The following CLN8 variants were observed in gnomAD, a reference collection of about 807,000 sequenced individuals.
CLN8 encodes protein CLN8.
In CLN8, 14 loss-of-function variants were observed where a neutral mutation model predicts 15.7. The ratio of observed to expected loss-of-function variants is 0.89; its 90% confidence interval spans 0.59 to 1.39. The LOEUF is 1.39. Among genes scored for constraint, CLN8 ranks in the 40% most tolerant of loss-of-function variants. The probability of loss-of-function intolerance (pLI) is 0.00; values close to 1 mark genes in which losing one functional copy is unlikely to be tolerated. For missense variants in CLN8, 415 were observed against 364.0 expected (o/e 1.14, Z -1.14); for synonymous variants, 188 against 151.0 (o/e 1.25, Z -1.80).
At chr8:1,760,603 C>T (rs1324511029), upstream of CLN8, among the ~76,000 whole-genome samples, 1 of 152,170 alleles carries the variant, frequency 6.6e-6, no homozygotes, top group Non-Finnish European at 1.5e-5. Flanking sequence ...TTACTAGCCA[C>T]GTGACTGAGC....
In CLN8 at chr8:1,780,630, G is replaced by A. The variant is rs370569700; in HGVS notation, c.*63G>A. 518 of 1,483,994 alleles carry A rather than the reference G, an allele frequency of 3.5e-4. 2 individuals are homozygous for A. The African/African-American group carries it at 5.4e-3, about 15-fold the overall frequency. 91.9% of individuals were successfully genotyped at this position (1,483,994 alleles called of 1,614,324 possible). On this transcript the variant is annotated 3_prime_UTR_variant, in exon 3 of 3. Coordinates refer to ENST00000331222, the MANE Select transcript of CLN8 (RefSeq NM_018941.4). ...GCACACCGATTCTGGGAAGCCCCGCGAATGATGGCTTTTGAATTAATGAGG... is the reference window on the plus strand; with the variant it reads ...GCACACCGATTCTGGGAAGCCCCGCAAATGATGGCTTTTGAATTAATGAGG...
At chr8:1,753,435 G>A (rs1563094670), upstream of CLN8, among the ~76,000 whole-genome samples, 1 of 151,910 alleles carries the variant, frequency 6.6e-6, no homozygotes, top group Non-Finnish European at 1.5e-5. Context: ...GCCAGGCATG[G>A]TGGCAGGCAC....
At chr8:1,757,190 A>G (rs1421968456) in intron 1 of CLN8, among the ~76,000 whole-genome samples, 4 of 152,170 alleles carry the variant, frequency 2.6e-5, no homozygotes, top group Non-Finnish European at 1.5e-5. Context: ...GCTCACCACC[A>G]TTGATGTTGG....
rs192372038 is a variant in CLN8, at chr8:1,780,222, C to G, written c.544-28C>G. The G allele has an allele frequency of 2.1e-5, 34 of 1,614,248 alleles. No individual in the cohort carries two copies. The African/African-American group carries it at 3.9e-4, about 18-fold the overall frequency. On this transcript the variant is annotated intron_variant, in intron 2 of 2. Transcript: ENST00000331222. Reference sequence around the variant, plus strand: ...ATGAATTTTGGCAGTTTCGCATTGACTTGTGCATTTGTCTTCTCTCCATGC... The same window carrying G: ...ATGAATTTTGGCAGTTTCGCATTGAGTTGTGCATTTGTCTTCTCTCCATGC...
upstream of CLN8, among the ~76,000 whole-genome samples, chr8:1,754,411 C>T (rs1800620327): frequency 6.6e-6 from 1 of 152,180 alleles, no homozygotes; most frequent in African/African-American, 2.4e-5. Context: ...AATGAAGTTT[C>T]CCTCTCCACT....
upstream of CLN8, among the ~76,000 whole-genome samples, chr8:1,761,377 T>G (rs976822072): frequency 6.6e-6 from 1 of 152,070 alleles, no homozygotes; most frequent in African/African-American, 2.4e-5. Context: ...CAGGCTGGAG[T>G]GCAGTGGTGC....
intron 2 of CLN8, among the ~76,000 whole-genome samples, chr8:1,776,165 T>G (rs144879470): frequency 1.3e-5 from 2 of 151,676 alleles, no homozygotes; most frequent in African/African-American, 4.8e-5. Context: ...GGCACACAAA[T>G]GATGACAAAA....
At chr8:1,770,533 A>G (rs1339154946) in intron 1 of CLN8, among the ~76,000 whole-genome samples, 3 of 152,162 alleles carry the variant, frequency 2.0e-5, no homozygotes, top group Admixed American at 1.3e-4. Flanking sequence ...GTTAACTAGG[A>G]TCAAACAGCA....
intron 1 of CLN8, among the ~76,000 whole-genome samples, chr8:1,766,503 C>T (rs1232063510): frequency 6.6e-6 from 1 of 151,848 alleles, no homozygotes; most frequent in African/African-American, 2.4e-5. Context: ...CATTCTCCTG[C>T]CTCAGCCTCC....
chr8:1,772,127 G>A (rs1801335198), intron 2 of CLN8, among the ~76,000 whole-genome samples: 1 of 151,992 alleles, frequency 6.6e-6, no homozygotes, highest in South Asian at 2.1e-4. Flanking sequence ...TAGTAGAGAT[G>A]GGGTTTCACT....
At chr8:1,771,664 G>A (rs1801313019) in intron 2 of CLN8, 67 bp downstream of exon 2, 1 of 1,455,088 alleles carries the variant, frequency 6.9e-7, no homozygotes, top group East Asian at 2.4e-5. Flanking sequence ...ACAATGTCCT[G>A]GACGCTGCCA....
In CLN8 at chr8:1,772,895, T is replaced by C. The variant is rs928136219; in HGVS notation, c.543+1298T>C. Reference sequence around the variant, plus strand: ...ATGTTCAGCCATTCACACAAATGGGTCATGTTACTGCACATTTCTTGTCTA... The same window carrying C: ...ATGTTCAGCCATTCACACAAATGGGCCATGTTACTGCACATTTCTTGTCTA... On this transcript the variant is annotated intron_variant, in intron 2 of 2. Transcript: ENST00000331222. 5 of 398,464 alleles carry C rather than the reference T, an allele frequency of 1.3e-5. No homozygotes were observed. The Admixed American group carries it at 1.8e-4, about 14-fold the overall frequency. 24.7% of individuals were successfully genotyped at this position (398,464 alleles called of 1,614,324 possible). A position where few individuals can be genotyped will look rare whatever the true frequency, so the allele number is the denominator to read the frequency against.
chr8:1,774,729 A>G (rs1293081720), intron 2 of CLN8, among the ~76,000 whole-genome samples: 1 of 152,224 alleles, frequency 6.6e-6, no homozygotes, highest in Non-Finnish European at 1.5e-5. Flanking sequence ...GCGGTGGCTC[A>G]CACCTGTAAT....
upstream of CLN8, chr8:1,763,759 C>T (rs956153665): frequency 6.7e-6 from 1 of 148,666 alleles, no homozygotes; most frequent in African/African-American, 2.5e-5. Flanking sequence ...CGTGCGAACG[C>T]GCGTGCGCGG....
At chr8:1,767,333 G>A (rs915593468) in intron 1 of CLN8, among the ~76,000 whole-genome samples, 3 of 152,144 alleles carry the variant, frequency 2.0e-5, no homozygotes, top group African/African-American at 7.2e-5. Flanking sequence ...ATTGGCACCT[G>A]TTCTCTGACT....
In CLN8 at chr8:1,781,365, CAA is replaced by C. The variant is rs749299552; in HGVS notation, c.*818_*819del. 3.1e-4 allele frequency: 25 copies of C among 80,906 alleles called. No homozygotes were observed. The highest frequency in any genetic ancestry group is 5.6e-4 in the Admixed American group (4 of 7,196). The allele number at this position is 80,906 out of a possible 1,614,324, so 5.0% of individuals were successfully genotyped here. ...TGGGTGACAGAGCAAGACTCTCTCT[CAA>C]AAAAAAAAAAAAAAAAAAATTCTAG... On this transcript the variant is annotated 3_prime_UTR_variant, in exon 3 of 3. Coordinates refer to ENST00000331222, the MANE Select transcript of CLN8 (RefSeq NM_018941.4).
Position 1,771,050 on chromosome 8 carries a change from G to A in CLN8, c.-5G>A, listed in dbSNP as rs779525549. ...CAGGACTCCTTTGGAATATAGCTGT[G>A]GACAATGAATCCTGCGAGCGATGGG... is the stretch of plus-strand genomic sequence containing the variant. On this transcript the variant is annotated 5_prime_UTR_variant, in exon 2 of 3. Coordinates refer to ENST00000331222, the MANE Select transcript of CLN8 (RefSeq NM_018941.4). 1.2e-6 allele frequency: 2 copies of A among 1,613,814 alleles called. No homozygotes were observed. Among genetic ancestry groups the A allele is most frequent in the African/African-American group, 1.3e-5 (1 of 74,888 alleles).
At position 1,756,477 on chromosome 8, in the gene CLN8, CCATCTCAAAAA is replaced by C. The variant is rs1391448347; in HGVS notation, c.-124+396_-124+406del. ...CCAGCTTGGGTGACAGAGTGAGAAT[CCATCTCAAAAA>C]AAAAAAAAGAAATTTCACTAAATTT... On this transcript the variant is annotated intron_variant, in intron 1 of 1. Coordinates refer to the CLN8 transcript ENST00000524258. 2.0e-3 allele frequency among the ~76,000 whole-genome samples: 205 copies of C among 103,304 alleles called. 1 individual carries two copies. Among genetic ancestry groups the C allele is most frequent in the African/African-American group, 7.5e-3 (199 of 26,564 alleles). 67.8% of individuals were successfully genotyped at this position (103,304 alleles called of 152,430 possible).
chr8:1,760,577 A>G (rs1800769216), upstream of CLN8: 1 of 152,204 alleles, frequency 6.6e-6, no homozygotes, highest in African/African-American at 2.4e-5. Flanking sequence ...GAATGTTTAA[A>G]TTCAAGCTGA....
Sources: allele counts gnomAD v4.1 joint callset (sites outside exome capture counted in the v4.1 genomes callset), GRCh38; gene constraint gnomAD v4.1.1; transcripts MANE v1.5; gene names NCBI Gene and HGNC (gene_info 2026-07-23, HGNC 2026-07-21).